CILK1: variants seen among roughly 807,000 people sequenced by gnomAD.
CILK1 encodes serine/threonine-protein kinase ICK.
In CILK1, 47 loss-of-function variants were observed where a neutral mutation model predicts 79.2. That is an observed-to-expected ratio of 0.59 (90% CI 0.47 to 0.76). The LOEUF is 0.76. Among genes scored for constraint, CILK1 ranks in the 30% least tolerant of loss-of-function variants. CILK1 has a pLI of 0.00. For missense variants in CILK1, 660 were observed against 769.5 expected (o/e 0.86, Z 1.68); for synonymous variants, 266 against 275.9 (o/e 0.96, Z 0.36).
At chr6:53,055,582 G>A (rs200862444) in intron 1 of CILK1, among the ~76,000 whole-genome samples, 7 of 152,168 alleles carry the variant, frequency 4.6e-5, no homozygotes, top group East Asian at 1.9e-4. Flanking sequence ...AAGATAATCC[G>A]TTACATGATG....
chr6:53,012,585 T>C (rs1007605948), intron 9 of CILK1, among the ~76,000 whole-genome samples: 1 of 152,238 alleles, frequency 6.6e-6, no homozygotes, highest in Non-Finnish European at 1.5e-5. Flanking sequence ...AAGGCTAAGA[T>C]GTCAGTTAGC....
intron 1 of CILK1, among the ~76,000 whole-genome samples, chr6:53,057,067 C>G (rs572890759): frequency 1.3e-5 from 2 of 152,316 alleles, no homozygotes; most frequent in South Asian, 4.1e-4. Flanking sequence ...AAAGCAAAGG[C>G]AATGTCCAAG....
chr6:53,005,160 A>T lies in CILK1; in HGVS notation c.1888T>A (p.Ser630Thr), dbSNP rs776859604. The T allele has an allele frequency of 6.2e-7, 1 of 1,614,158 alleles. No individual in the cohort carries two copies. Among genetic ancestry groups the T allele is most frequent in the Middle Eastern group, 1.7e-4 (1 of 6,060 alleles). Residue 630 changes from serine (S) to threonine (T), a missense_variant, in exon 14 of 14, where the codon TCT (serine) becomes ACT (threonine). Physicochemically the swap from Ser to Thr is moderately conservative, Grantham distance 58. Transcript: ENST00000676107. ...ACCAAGGCAGACAGTCATCGCCGAG[A>T]TGCGTACTTGGAAGCCCAGTCTGTC... ...GRTDWASKYASRR is the reference protein window; with the variant it reads ...GRTDWASKYATRR
intron 1 of CILK1, among the ~76,000 whole-genome samples, chr6:53,051,600 G>T (rs953585387): frequency 6.6e-6 from 1 of 152,100 alleles, no homozygotes; most frequent in Non-Finnish European, 1.5e-5. Flanking sequence ...AGCTTATAAG[G>T]ACTTGTGTTT....
At chr6:53,049,714 A>T (rs944562651) in intron 1 of CILK1, among the ~76,000 whole-genome samples, 1 of 152,138 alleles carries the variant, frequency 6.6e-6, no homozygotes, top group African/African-American at 2.4e-5. Flanking sequence ...GCAAACACAG[A>T]ACTCTCAAGC....
intron 2 of CILK1, 39 bp downstream of exon 2, chr6:53,041,097 A>C: frequency 7.7e-7 from 1 of 1,304,852 alleles, no homozygotes; most frequent in Non-Finnish European, 1.1e-6. Flanking sequence ...TGGTGAGGGT[A>C]GAGTTAAAAT....
intron 2 of CILK1, among the ~76,000 whole-genome samples, chr6:53,038,399 G>A (rs1305674296): frequency 2.0e-5 from 3 of 152,208 alleles, no homozygotes; most frequent in Non-Finnish European, 2.9e-5. Context: ...ACTTTGGCAT[G>A]TGGCTAGCAC....
In CILK1 at chr6:53,031,055, A is replaced by T. The variant is rs143510616; in HGVS notation, c.358+10T>A. Reference sequence around the variant, plus strand: ...TGCTCTTCAAAAGCACAACACTCCGAATCACCTACCGTGTTTGTGAATAAA... The same window carrying T: ...TGCTCTTCAAAAGCACAACACTCCGTATCACCTACCGTGTTTGTGAATAAA... On this transcript the variant is annotated intron_variant, in intron 5 of 13. Coordinates refer to ENST00000676107, the MANE Select transcript of CILK1 (RefSeq NM_014920.5). The T allele has an allele frequency of 1.3e-5, 21 of 1,563,986 alleles. No individual in the cohort carries two copies. The highest frequency in any genetic ancestry group is 1.2e-4 in the African/African-American group (9 of 73,998).
chr6:53,057,234 C>A (rs1451954634), intron 1 of CILK1, among the ~76,000 whole-genome samples: 8 of 152,152 alleles, frequency 5.3e-5, no homozygotes, highest in Non-Finnish European at 7.3e-5. Flanking sequence ...AGAGCAGTCA[C>A]ATGTTATCAA....
intron 1 of CILK1, chr6:53,057,833 A>G (rs1431744442): frequency 1.3e-5 from 2 of 152,200 alleles, no homozygotes; most frequent in African/African-American, 4.8e-5. Flanking sequence ...GTGTGAGTAT[A>G]ATACATGTTT....
At chr6:53,050,437 A>G (rs72933002) in intron 1 of CILK1, among the ~76,000 whole-genome samples, 6,493 of 149,620 alleles carry the variant, frequency 0.043, 199 homozygotes, top group Non-Finnish European at 0.062. Flanking sequence ...GTGTGTGTGT[A>G]TATATATATA....
chr6:53,021,344 G>A (rs1329533364), intron 5 of CILK1, among the ~76,000 whole-genome samples: 1 of 136,768 alleles, frequency 7.3e-6, no homozygotes, highest in African/African-American at 2.9e-5. Context: ...CGGGGGGGTT[G>A]GGGGGGTAAA....
In CILK1 at chr6:53,036,665, C is replaced by G. The variant is rs372172351; in HGVS notation, c.156+1274G>C. Among the ~76,000 whole-genome samples the G allele has an allele frequency of 2.0e-5, 3 of 152,146 alleles. No individual in the cohort carries two copies. In the South Asian group the frequency reaches 6.2e-4, roughly 32 times the overall value. Reference sequence around the variant, plus strand: ...TCCTGACCTCAAGTGATCCACCAGCCTCAGCCTCCCAAAGTGCTGGGATTA... The same window carrying G: ...TCCTGACCTCAAGTGATCCACCAGCGTCAGCCTCCCAAAGTGCTGGGATTA... On this transcript the variant is annotated intron_variant, in intron 3 of 13. Transcript: ENST00000676107.
At chr6:53,050,604 T>C (rs532793107) in intron 1 of CILK1, among the ~76,000 whole-genome samples, 81 of 152,160 alleles carry the variant, frequency 5.3e-4, no homozygotes, top group African/African-American at 1.8e-3. Flanking sequence ...GGTGAGCATG[T>C]TGCTTAAGTC....
At position 53,018,450 on chromosome 6, in the gene CILK1, A is replaced by G; in HGVS notation, c.543T>C (p.Ile181=). Residue 181 remains isoleucine, a synonymous_variant, in exon 7 of 14, where the codon ATT becomes ATC. Coordinates refer to ENST00000676107, the MANE Select transcript of CILK1 (RefSeq NM_014920.5). The part of the protein sequence containing the change: ...LLRSTNYSSP[I]DVWAVGCIMA... ...TGATGCAGCCCACCGCCCAGACGTC[A>G]ATGGGGGAGCTGTAGTTGGTAGACC... is the stretch of plus-strand genomic sequence containing the variant. 1 of 1,614,182 alleles carries G rather than the reference A, an allele frequency of 6.2e-7. No individual in the cohort carries two copies. The highest frequency in any genetic ancestry group is 8.5e-7 in the Non-Finnish European group (1 of 1,180,004).
At chr6:53,006,466 T>C (rs1764227482) in intron 12 of CILK1, 29 bp from the exon 13 acceptor site, 3 of 1,610,860 alleles carry the variant, frequency 1.9e-6, no homozygotes, top group Non-Finnish European at 1.7e-6. Context: ...AAGCTCATTA[T>C]TACAAAGACA....
intron 3 of CILK1, among the ~76,000 whole-genome samples, chr6:53,033,044 T>C (rs1182096661): frequency 6.6e-6 from 1 of 152,182 alleles, no homozygotes; most frequent in Admixed American, 6.5e-5. Flanking sequence ...GCAGCTGCAG[T>C]GGGCTGAGAT....
intron 7 of CILK1, among the ~76,000 whole-genome samples, chr6:53,016,645 A>G (rs1434041836): frequency 6.6e-6 from 1 of 152,252 alleles, no homozygotes; most frequent in African/African-American, 2.4e-5. Flanking sequence ...GTTCCTGGAC[A>G]AATAAATTTG....
At chr6:53,050,504 T>C (rs1218515086) in intron 1 of CILK1, among the ~76,000 whole-genome samples, 1 of 151,146 alleles carries the variant, frequency 6.6e-6, no homozygotes, top group Non-Finnish European at 1.5e-5. Flanking sequence ...TATAAGTATA[T>C]ATGTAAATAT....
Sources: allele counts gnomAD v4.1 joint callset (sites outside exome capture counted in the v4.1 genomes callset), GRCh38; gene constraint gnomAD v4.1.1; transcripts MANE v1.5; gene names NCBI Gene and HGNC (gene_info 2026-07-23, HGNC 2026-07-21).